The following EIPR1 variants were observed in gnomAD, a reference collection of about 807,000 sequenced individuals.
EIPR1 encodes the protein EARP complex and GARP complex interacting protein 1, also known as EARP and GARP complex-interacting protein 1.
Under a neutral mutation model 48.1 loss-of-function variants are expected in EIPR1, and 25 were observed. That is an observed-to-expected ratio of 0.52 (90% CI 0.38 to 0.73). EIPR1 has a LOEUF of 0.73. Among genes scored for constraint, EIPR1 ranks in the 30% least tolerant of loss-of-function variants. EIPR1 has a pLI of 0.00. For synonymous variants in EIPR1, 204 were observed against 201.9 expected, an observed-to-expected ratio of 1.01 and a Z score of -0.09; for missense variants, 415 against 506.2, an observed-to-expected ratio of 0.82 and a Z score of 1.73.
At chr2:3,314,522 G>A (rs899269865) in intron 3 of EIPR1, among the ~76,000 whole-genome samples, 4 of 151,996 alleles carry the variant, frequency 2.6e-5, no homozygotes, top group South Asian at 2.1e-4. Context: ...GCTTTTCTTC[G>A]TAAAGACTAT....
At chr2:3,197,164 T>C in intron 5 of EIPR1, 147 bp from the exon 6 acceptor site, 2 of 1,010,002 alleles carry the variant, frequency 2.0e-6, no homozygotes, top group Non-Finnish European at 1.4e-6. Flanking sequence ...CTTTGTTTCC[T>C]TTCCTTAAAT....
intron 3 of EIPR1, among the ~76,000 whole-genome samples, chr2:3,308,984 G>A (rs1179012733): frequency 1.3e-5 from 2 of 152,136 alleles, no homozygotes; most frequent in African/African-American, 2.4e-5. Context: ...TCAAAGGATG[G>A]ATAAAGAAAA....
chr2:3,204,340 A>C (rs771943060), intron 5 of EIPR1, among the ~76,000 whole-genome samples: 6 of 152,236 alleles, frequency 3.9e-5, no homozygotes, highest in Non-Finnish European at 7.4e-5. Flanking sequence ...GGTGCAGAGA[A>C]GCCTGGAAGG....
At chr2:3,251,639 A>G (rs1667003127) in intron 4 of EIPR1, among the ~76,000 whole-genome samples, 1 of 152,234 alleles carries the variant, frequency 6.6e-6, no homozygotes, top group African/African-American at 2.4e-5. Context: ...CTGACGAAGA[A>G]GCAAACCAGA....
intron 5 of EIPR1, chr2:3,208,639 A>G (rs1270285811): frequency 3.2e-6 from 5 of 1,550,616 alleles, no homozygotes; most frequent in Non-Finnish European, 4.4e-6. Context: ...GCATTCTGGT[A>G]TGCTTGGCAT....
intron 1 of EIPR1, among the ~76,000 whole-genome samples, chr2:3,365,891 C>T (rs1438348019): frequency 1.3e-5 from 2 of 152,194 alleles, no homozygotes; most frequent in East Asian, 3.9e-4. Flanking sequence ...TACACAGACA[C>T]GGCAACCATC....
intron 3 of EIPR1, among the ~76,000 whole-genome samples, chr2:3,334,591 C>T (rs913772006): frequency 2.0e-5 from 3 of 152,214 alleles, no homozygotes; most frequent in Admixed American, 2.0e-4. Context: ...GACGTGGCGC[C>T]GTGTGTGCTT....
chr2:3,312,339 G>T lies in EIPR1; in HGVS notation c.259+25678C>A, dbSNP rs971727124. ...CTAAGGTTGCACTGCTTTTTAGGCG[G>T]CTGTGGCATAAAATTGAGTTTCCTG... On this transcript the variant is annotated intron_variant, in intron 3 of 8. Transcript: ENST00000382125. This position sits in a 1 kb window ranked among gnomAD's most constrained non-coding sequence, Gnocchi z 5.5. Among the ~76,000 whole-genome samples, 6 of 152,160 alleles carry T rather than the reference G, an allele frequency of 3.9e-5. No individual in the cohort carries two copies. The highest frequency in any genetic ancestry group is 8.8e-5 in the Non-Finnish European group (6 of 68,034).
At chr2:3,246,102 C>A (rs1019927996) in intron 4 of EIPR1, among the ~76,000 whole-genome samples, 5 of 152,120 alleles carry the variant, frequency 3.3e-5, no homozygotes, top group Admixed American at 1.3e-4. Flanking sequence ...AAAAAAAGAA[C>A]CTAATAAATC....
chr2:3,222,212 C>G (rs1246697483), intron 4 of EIPR1, among the ~76,000 whole-genome samples: 1 of 152,242 alleles, frequency 6.6e-6, no homozygotes, highest in Non-Finnish European at 1.5e-5. Flanking sequence ...AATGGGTCAT[C>G]TTAGCCTAGT....
intron 4 of EIPR1, among the ~76,000 whole-genome samples, chr2:3,227,274 A>G (rs1666093746): frequency 6.6e-6 from 1 of 152,230 alleles, no homozygotes; most frequent in African/African-American, 2.4e-5. Flanking sequence ...AATGTCTTTG[A>G]CCAAAATGCT....
intron 5 of EIPR1, chr2:3,208,783 T>C (rs1665329406): frequency 6.5e-7 from 1 of 1,548,440 alleles, no homozygotes; most frequent in Non-Finnish European, 8.7e-7. Flanking sequence ...CTTCCTTGAG[T>C]GAGGCTCGTG....
chr2:3,302,812 T>C (rs981800481), intron 3 of EIPR1, among the ~76,000 whole-genome samples: 3 of 152,188 alleles, frequency 2.0e-5, no homozygotes, highest in Non-Finnish European at 4.4e-5. Context: ...CGTGTCTGCA[T>C]GGCTGAGCTC....
intron 3 of EIPR1, among the ~76,000 whole-genome samples, chr2:3,289,032 G>A (rs151174684): frequency 2.0e-5 from 3 of 152,318 alleles, no homozygotes; most frequent in East Asian, 1.9e-4. Flanking sequence ...AATCCATGAC[G>A]CTCACGCACT....
chr2:3,260,564 G>GAAAGAAAACA (rs1420742841), intron 3 of EIPR1, among the ~76,000 whole-genome samples: 2 of 151,354 alleles, frequency 1.3e-5, no homozygotes, highest in Non-Finnish European at 2.9e-5. Context: ...AGAAAGGAAA[G>GAAAGAAAACA]AAAGAAAACA....
intron 5 of EIPR1, among the ~76,000 whole-genome samples, chr2:3,205,655 T>C (rs966164704): frequency 3.9e-5 from 6 of 152,232 alleles, no homozygotes; most frequent in African/African-American, 1.4e-4. Flanking sequence ...AGAATGCCGA[T>C]GACACCTATG....
intron 3 of EIPR1, among the ~76,000 whole-genome samples, chr2:3,285,365 C>T (rs1304571364): frequency 8.9e-6 from 1 of 111,902 alleles, no homozygotes; most frequent in Non-Finnish European, 1.7e-5. Flanking sequence ...CTGTGGTGGA[C>T]GGGAGCAGCA....
At chr2:3,256,102 A>G (rs13390386) in intron 4 of EIPR1, among the ~76,000 whole-genome samples, 6,157 of 152,202 alleles carry the variant, frequency 0.04, 143 homozygotes, top group South Asian at 0.073. Context: ...AGAAATATCC[A>G]CCGACGTGGT....
In EIPR1 at chr2:3,257,971, G is replaced by A. The variant is rs750765554; in HGVS notation, c.260-516C>T. ...CCTAAAGTGATGAGTATCTGGGACCGGAAGGTAATGCCATTCAGAGGCATC... is the reference window on the plus strand; with the variant it reads ...CCTAAAGTGATGAGTATCTGGGACCAGAAGGTAATGCCATTCAGAGGCATC... On this transcript the variant is annotated intron_variant, in intron 3 of 8. Transcript: ENST00000382125. Among the ~76,000 whole-genome samples the A allele has an allele frequency of 1.3e-3, 205 of 152,298 alleles. 1 individual carries two copies. The highest frequency in any genetic ancestry group is 1.7e-3 in the Non-Finnish European group (119 of 68,022).
Sources: gnomAD v4.1 joint callset for allele counts (sites outside exome capture counted in the v4.1 genomes callset) on GRCh38, gnomAD v4.1.1 for gene constraint, Gnocchi (gnomAD v3.1) non-coding constraint, MANE v1.5 for transcripts, NCBI Gene and HGNC (gene_info 2026-07-23, HGNC 2026-07-21) for gene names.